SMG6: variants seen among roughly 807,000 people sequenced by gnomAD.
SMG6 encodes telomerase-binding protein EST1A.
A neutral mutation model predicts 142.2 loss-of-function variants in SMG6; 66 were observed. That is an observed-to-expected ratio of 0.46 (90% confidence interval 0.38 to 0.57). The LOEUF (loss-of-function observed/expected upper bound fraction) is 0.57. Among genes scored for constraint, SMG6 ranks in the 20% least tolerant of loss-of-function variants. The pLI is 0.00. For synonymous variants in SMG6, 779 were observed against 702.4 expected, an observed-to-expected ratio of 1.11 and a Z score of -1.72; for missense variants, 1,793 against 1,832.0, an observed-to-expected ratio of 0.98 and a Z score of 0.39.
chr17:2,292,822 G>A, intron 5 of SMG6, 49 bp downstream of exon 5: 3 of 1,547,736 alleles, frequency 1.9e-6, no homozygotes, highest in Non-Finnish European at 1.8e-6. Flanking sequence ...GTAAGGCTTA[G>A]CTTAGAGCCA....
intron 8 of SMG6, among the ~76,000 whole-genome samples, chr17:2,272,981 G>T (rs1000695985): frequency 6.8e-6 from 1 of 145,986 alleles, no homozygotes; most frequent in African/African-American, 2.7e-5. Context: ...ACATTTCTGA[G>T]ATTTTTGTTG....
In SMG6 at chr17:2,102,502, G is replaced by A. The variant is rs375334468; in HGVS notation, c.3358-16601C>T. On this transcript the variant is annotated intron_variant, in intron 13 of 18. Transcript: ENST00000263073. The stretch of plus-strand genomic sequence containing the variant: ...CTCCCAAGTAGCTGGGACTACAGGC[G>A]TGGACCACCACATCCTGCTAATTTC... Among the ~76,000 whole-genome samples the A allele has an allele frequency of 3.6e-4, 53 of 149,146 alleles. 2 individuals carry two copies. The South Asian group carries it at 0.01, about 29-fold the overall frequency.
intron 8 of SMG6, among the ~76,000 whole-genome samples, chr17:2,261,595 T>C (rs1034365736): frequency 3.9e-5 from 6 of 152,188 alleles, no homozygotes; most frequent in African/African-American, 9.6e-5. Context: ...TCTGAGGTGG[T>C]AGACATGCAG....
chr17:2,064,207 C>T (rs9894634), intron 18 of SMG6, among the ~76,000 whole-genome samples: 91,513 of 151,876 alleles, frequency 0.6, 27,839 homozygotes, highest in Middle Eastern at 0.67. Flanking sequence ...TAGACAGAAA[C>T]GAAACGGTGA....
intron 13 of SMG6, among the ~76,000 whole-genome samples, chr17:2,157,350 C>T (rs944482439): frequency 3.9e-5 from 6 of 152,208 alleles, no homozygotes; most frequent in Admixed American, 2.6e-4. Flanking sequence ...AAATGTTTTC[C>T]ATTAAAAGTT....
intron 7 of SMG6, 51 bp from the exon 8 acceptor site, chr17:2,282,910 C>T (rs2074822029): frequency 6.3e-7 from 1 of 1,579,406 alleles, no homozygotes; most frequent in Non-Finnish European, 8.7e-7. Flanking sequence ...GTGGCTCACG[C>T]CTGTAATCCC....
At chr17:2,135,226 G>A (rs1416158971) in intron 13 of SMG6, among the ~76,000 whole-genome samples, 3 of 152,198 alleles carry the variant, frequency 2.0e-5, no homozygotes, top group Admixed American at 2.0e-4. Context: ...ATATATTTAT[G>A]AAGCACAATG....
At chr17:2,086,255 A>G (rs1485849852) in intron 13 of SMG6, among the ~76,000 whole-genome samples, 3 of 152,230 alleles carry the variant, frequency 2.0e-5, no homozygotes, top group Admixed American at 6.5e-5. Context: ...AGCAGAGGGA[A>G]GAGTGGAGTG....
intron 8 of SMG6, among the ~76,000 whole-genome samples, chr17:2,248,156 T>TA (rs890161638): frequency 2.6e-5 from 4 of 152,226 alleles, no homozygotes; most frequent in Non-Finnish European, 5.9e-5. Flanking sequence ...CATTCAAGCC[T>TA]AAATACCATC....
chr17:2,172,446 A>C (rs530729306), intron 13 of SMG6, among the ~76,000 whole-genome samples: 202 of 152,220 alleles, frequency 1.3e-3, no homozygotes, highest in African/African-American at 4.3e-3. Context: ...CATGCCAGCA[A>C]GCACACACAC....
At chr17:2,101,981 G>C (rs1015795397) in intron 13 of SMG6, among the ~76,000 whole-genome samples, 1 of 152,106 alleles carries the variant, frequency 6.6e-6, no homozygotes, top group South Asian at 2.1e-4. Context: ...GAAAAAGGCA[G>C]CCTCTCAGAG....
At chr17:2,152,183 G>A (rs2151601187) in intron 13 of SMG6, among the ~76,000 whole-genome samples, 1 of 152,274 alleles carries the variant, frequency 6.6e-6, no homozygotes, top group Non-Finnish European at 1.5e-5. Flanking sequence ...TCATAGGCGG[G>A]GACAGGAGAA....
chr17:2,139,266 A>C (rs2151568617), intron 13 of SMG6, among the ~76,000 whole-genome samples: 1 of 152,290 alleles, frequency 6.6e-6, no homozygotes, highest in East Asian at 1.9e-4. Flanking sequence ...AATGCCAAGG[A>C]ACCAGATTTT....
rs1188810712 is a variant in SMG6, at chr17:2,264,246, G to A, written c.2661+18401C>T. Among the ~76,000 whole-genome samples the A allele has an allele frequency of 3.9e-4, 59 of 152,338 alleles. 1 individual carries two copies. The highest frequency in any genetic ancestry group is 3.7e-3 in the Admixed American group (57 of 15,304). ...GTACATTCCAGTTGGCTGGAACTCA[G>A]CAGCTGATTGCTCCCTTGTCTAACT... On this transcript the variant is annotated intron_variant, in intron 8 of 18. Coordinates refer to ENST00000263073, the MANE Select transcript of SMG6 (RefSeq NM_017575.5).
intron 13 of SMG6, among the ~76,000 whole-genome samples, chr17:2,105,512 C>A (rs1309370674): frequency 1.3e-5 from 2 of 152,050 alleles, no homozygotes; most frequent in Non-Finnish European, 2.9e-5. Flanking sequence ...CACTGCACTC[C>A]AGCCTGAGCA....
chr17:2,287,777 A>T (rs1234554195), intron 6 of SMG6, among the ~76,000 whole-genome samples: 2 of 152,246 alleles, frequency 1.3e-5, no homozygotes, highest in Non-Finnish European at 2.9e-5. Context: ...GACCTAAGCT[A>T]AGTGAAATAA....
intron 13 of SMG6, among the ~76,000 whole-genome samples, chr17:2,141,501 G>A (rs547303076): frequency 6.6e-6 from 1 of 152,314 alleles, no homozygotes; most frequent in South Asian, 2.1e-4. Context: ...GAGTGCAGTG[G>A]CACAATCACA....
chr17:2,214,139 C>T (rs2072943714), intron 10 of SMG6: 1 of 152,220 alleles, frequency 6.6e-6, no homozygotes, highest in African/African-American at 2.4e-5. Flanking sequence ...GGTCACTAAC[C>T]CTGTTTTTGT....
Position 2,088,386 on chromosome 17 carries a change from T to C in SMG6, c.3358-2485A>G, listed in dbSNP as rs910172341. The C allele has an allele frequency of 3.9e-5, 38 of 985,380 alleles. No individual in the cohort carries two copies. The African/African-American group carries it at 5.9e-4, about 15-fold the overall frequency. 61.0% of individuals were successfully genotyped at this position (985,380 alleles called of 1,614,324 possible). On this transcript the variant is annotated intron_variant, in intron 13 of 18. Transcript: ENST00000263073. ...ACTTCCTTACAGGGTCTGTGGGAATTGCCTATTCCATGGACACAAGCAACG... is the reference window on the plus strand; with the variant it reads ...ACTTCCTTACAGGGTCTGTGGGAATCGCCTATTCCATGGACACAAGCAACG...
Sources: gnomAD v4.1 joint callset for allele counts (sites outside exome capture counted in the v4.1 genomes callset) on GRCh38, gnomAD v4.1.1 for gene constraint, MANE v1.5 for transcripts, NCBI Gene and HGNC (gene_info 2026-07-23, HGNC 2026-07-21) for gene names.